Variants in TSPEAR observed in about 807,000 individuals in gnomAD.
TSPEAR encodes thrombospondin-type laminin G domain and EAR repeat-containing protein.
In TSPEAR, 69 loss-of-function variants were observed where a neutral mutation model predicts 71.6. That is an observed-to-expected ratio of 0.96 (90% CI 0.79 to 1.18). TSPEAR has a LOEUF of 1.18. Among genes scored for constraint, TSPEAR ranks in the 50% most tolerant of loss-of-function variants. TSPEAR has a pLI of 0.00. For synonymous variants in TSPEAR, 402 were observed against 387.2 expected, an observed-to-expected ratio of 1.04 and a Z score of -0.45; for missense variants, 971 against 894.9, an observed-to-expected ratio of 1.09 and a Z score of -1.09.
intron 1 of TSPEAR, among the ~76,000 whole-genome samples, chr21:44,703,163 C>T (rs1987740665): frequency 6.6e-6 from 1 of 152,244 alleles, no homozygotes; most frequent in South Asian, 2.1e-4. Flanking sequence ...GCGTGCTCCT[C>T]TCCCAGCCTA....
At chr21:44,601,310 TGCCTGTCTGCTGCAA>T (rs1410749414) in intron 1 of TSPEAR, 1 of 1,611,230 alleles carries the variant, frequency 6.2e-7, no homozygotes, top group Non-Finnish European at 8.5e-7. Context: ...GCCTGCTGTG[TGCCTGTCTGCTGCAA>T]GCCCGTCTGC....
At position 44,550,967 on chromosome 21, in the gene TSPEAR, C is replaced by G. The variant is rs782750786; in HGVS notation, c.303+16818G>C. The G allele has an allele frequency of 1.9e-6, 3 of 1,612,784 alleles. No individual in the cohort carries two copies. In the South Asian group the frequency reaches 3.3e-5, roughly 18 times the overall value. ...AGCAAGCCGGCTGGCAGCTAGACTGCTGGCAGCATGAAGAGGATGACTCAG... is the reference window on the plus strand; with the variant it reads ...AGCAAGCCGGCTGGCAGCTAGACTGGTGGCAGCATGAAGAGGATGACTCAG... On this transcript the variant is annotated intron_variant, in intron 2 of 11. Coordinates refer to ENST00000323084, the MANE Select transcript of TSPEAR (RefSeq NM_144991.3).
At chr21:44,689,712 A>ATATATATATATATATATATAT (rs1555949491) in intron 1 of TSPEAR, among the ~76,000 whole-genome samples, 1,964 of 61,838 alleles carry the variant, frequency 0.032, 329 homozygotes, top group South Asian at 0.036. Flanking sequence ...GAATAGAATG[A>ATATATATATATATATATATAT]ATATATATAT....
At chr21:44,588,701 T>TTTATATAGTTATAC (rs139256853) in intron 1 of TSPEAR, among the ~76,000 whole-genome samples, 1 of 143,028 alleles carries the variant, frequency 7.0e-6, no homozygotes, top group Non-Finnish European at 1.5e-5. Context: ...TATATATTTA[T>TTTATATAGTTATAC]ATATATAAAC....
At chr21:44,549,718 C>T (rs6518194) in intron 2 of TSPEAR, among the ~76,000 whole-genome samples, 91,266 of 151,704 alleles carry the variant, frequency 0.6, 27,624 homozygotes, top group South Asian at 0.7. Flanking sequence ...TGTGCGTCCA[C>T]GTGTTTCTCT....
chr21:44,592,786 A>C (rs587761659), intron 1 of TSPEAR, among the ~76,000 whole-genome samples: 1 of 151,992 alleles, frequency 6.6e-6, no homozygotes, highest in East Asian at 1.9e-4. Context: ...GGCATCGTCC[A>C]CCCCTGGCCC....
Position 44,533,803 on chromosome 21 carries a change from G to A in TSPEAR, c.424C>T (p.Gln142Ter). Residue 142 changes from glutamine to a stop codon, truncating the protein, a stop_gained, in exon 3 of 12, where the codon CAG (glutamine) becomes TAG (stop). Transcript: ENST00000323084. LOFTEE classifies it high-confidence loss of function. ...FLREDTAGAW[Q>*]TRVSFRSPAL... ...GGGCTGCGGAAGGACACTCGGGTCT[G>A]CCAGGCGCCGGCCGTGTCCTCGCGA... 1 of 1,612,492 alleles carries A rather than the reference G, an allele frequency of 6.2e-7. No individual in the cohort carries two copies. The highest frequency in any genetic ancestry group is 8.5e-7 in the Non-Finnish European group (1 of 1,179,912).
intron 2 of TSPEAR, among the ~76,000 whole-genome samples, chr21:44,537,311 A>G (rs2053105572): frequency 6.6e-6 from 1 of 152,214 alleles, no homozygotes; most frequent in South Asian, 2.1e-4. Context: ...TTTAAAAAAT[A>G]CTGGAAAAGC....
At chr21:44,702,173 C>A in intron 1 of TSPEAR, 1 of 1,457,528 alleles carries the variant, frequency 6.9e-7, no homozygotes, top group Non-Finnish European at 9.3e-7. Context: ...CAGAGACCAC[C>A]ATCCACCCCA....
chr21:44,579,721 A>T (rs1555924523), intron 1 of TSPEAR: 2 of 1,585,260 alleles, frequency 1.3e-6, no homozygotes, highest in Admixed American at 1.7e-5. Context: ...GCCCTGGGGG[A>T]TGTGCACATC....
chr21:44,703,362 T>C (rs1987750055), intron 1 of TSPEAR, among the ~76,000 whole-genome samples: 1 of 152,204 alleles, frequency 6.6e-6, no homozygotes, highest in South Asian at 2.1e-4. Flanking sequence ...AAATCCAGGA[T>C]TCAGGTGGTG....
Position 44,706,463 on chromosome 21 carries a change from G to A in TSPEAR, c.82+4970C>T, listed in dbSNP as rs556418530. ...TGCGCACCCACATGTACACACCCACGTGCACACACCCACGCGTACACACCC... is the reference window on the plus strand; with the variant it reads ...TGCGCACCCACATGTACACACCCACATGCACACACCCACGCGTACACACCC... On this transcript the variant is annotated intron_variant, in intron 1 of 11. Coordinates refer to ENST00000323084, the MANE Select transcript of TSPEAR (RefSeq NM_144991.3). 3.4e-3 allele frequency among the ~76,000 whole-genome samples: 466 copies of A among 137,694 alleles called. 4 individuals carry two copies. Among genetic ancestry groups the A allele is most frequent in the African/African-American group, 0.012 (436 of 37,590 alleles). 90.3% of individuals were successfully genotyped at this position (137,694 alleles called of 152,430 possible). A position where few individuals can be genotyped will look rare whatever the true frequency, so the allele number is the denominator to read the frequency against.
chr21:44,636,969 G>A (rs1555936808), intron 1 of TSPEAR, among the ~76,000 whole-genome samples: 2 of 152,200 alleles, frequency 1.3e-5, no homozygotes, highest in African/African-American at 2.4e-5. Flanking sequence ...AGGCACCTCC[G>A]TCCTGGCTCT....
At chr21:44,614,049 G>A (rs781961851) in intron 1 of TSPEAR, among the ~76,000 whole-genome samples, 3 of 152,278 alleles carry the variant, frequency 2.0e-5, no homozygotes, top group South Asian at 4.1e-4. Flanking sequence ...CCATCCTGCC[G>A]TAGGTCCCTC....
intron 2 of TSPEAR, among the ~76,000 whole-genome samples, chr21:44,544,079 ATTAC>A (rs1266885187): frequency 1.5e-4 from 23 of 152,320 alleles, no homozygotes; most frequent in African/African-American, 5.3e-4. Flanking sequence ...CAGATGTATC[ATTAC>A]TTTAGTCAAC....
chr21:44,508,922 G>A (rs1569151609), intron 10 of TSPEAR: 1 of 1,512,930 alleles, frequency 6.6e-7, no homozygotes, highest in Non-Finnish European at 8.9e-7. Context: ...CTGCTCGGAT[G>A]AAAGGAGGTA....
At chr21:44,690,891 G>A (rs533097407) in intron 1 of TSPEAR, among the ~76,000 whole-genome samples, 2 of 152,150 alleles carry the variant, frequency 1.3e-5, no homozygotes, top group Non-Finnish European at 1.5e-5. Context: ...GGGACTACAG[G>A]TATGCACCAC....
chr21:44,525,711 G>C lies in TSPEAR; in HGVS notation c.1278C>G (p.Asp426Glu). Residue 426 changes from aspartate (D) to glutamate (E), a missense_variant, in exon 8 of 12, where the codon GAC becomes GAG. Transcript: ENST00000323084. ...CCCCATCCACCTCGAAGGCCTCCCA[G>C]TCTCGGGCGCTGTGTGTGGCAATGC... ...YQSIATHSAR[D>E]WEAFEVDGEH... The C allele has an allele frequency of 6.2e-7, 1 of 1,614,206 alleles. No homozygotes were observed. Among genetic ancestry groups the C allele is most frequent in the Non-Finnish European group, 8.5e-7 (1 of 1,180,044 alleles).
rs79740360 is a variant in TSPEAR at position 44,647,251 on chromosome 21, T to G, written c.82+64182A>C. 7.9e-5 allele frequency: 127 copies of G among 1,602,514 alleles called. 3 individuals carry two copies. The highest frequency in any genetic ancestry group is 7.8e-4 in the South Asian group (70 of 89,420). On this transcript the variant is annotated intron_variant, in intron 1 of 11. Coordinates refer to ENST00000323084, the MANE Select transcript of TSPEAR (RefSeq NM_144991.3). ...CTGTGCCCCCACCTCCTCCTGCCAG[T>G]CCAGCTGCTGCCGCCCGGCCTCCTG...
Sources: gnomAD v4.1 joint callset for allele counts (sites outside exome capture counted in the v4.1 genomes callset) on GRCh38, gnomAD v4.1.1 for gene constraint, MANE v1.5 for transcripts, NCBI Gene and HGNC (gene_info 2026-07-23, HGNC 2026-07-21) for gene names.